HCN2: variants seen among roughly 807,000 people sequenced by gnomAD.
HCN2 encodes hyperpolarization activated cyclic nucleotide gated potassium and sodium channel 2.
In HCN2, 20 loss-of-function variants were observed where a neutral mutation model predicts 52.3. The ratio of observed to expected loss-of-function variants is 0.38; its 90% CI spans 0.27 to 0.56. The LOEUF (loss-of-function observed/expected upper bound fraction) is 0.56, where lower values mean the gene tolerates loss of function less well. HCN2 is among the 20% of genes least tolerant of loss of function. HCN2 has a pLI of 0.71. For synonymous variants in HCN2, 694 were observed against 537.0 expected (o/e 1.29, Z -4.04); for missense variants, 981 against 1,207.7 (o/e 0.81, Z 2.78).
intron 1 of HCN2, among the ~76,000 whole-genome samples, chr19:598,464 G>A (rs1339894440): frequency 1.3e-5 from 2 of 150,608 alleles, no homozygotes; most frequent in Non-Finnish European, 3.0e-5. Context: ...GCACCACCAC[G>A]CTGGCTAATT....
At chr19:614,305 A>C (rs1983805494) in intron 7 of HCN2, among the ~76,000 whole-genome samples, 1 of 152,022 alleles carries the variant, frequency 6.6e-6, no homozygotes. Flanking sequence ...TTCCCAAGGG[A>C]GGGAATGCAC....
intron 1 of HCN2, among the ~76,000 whole-genome samples, chr19:601,528 G>GGTCATT (rs1983201100): frequency 6.6e-6 from 1 of 152,028 alleles, no homozygotes; most frequent in Non-Finnish European, 1.5e-5. Flanking sequence ...ACAGCGGAGT[G>GGTCATT]GTCGTCGTCC....
At position 591,699 on chromosome 19, in the gene HCN2, G is replaced by A. The variant is rs1982878570; in HGVS notation, c.632+1122G>A. ...GCACCACGGACAGCGCGCCGGACCT[G>A]GGAAGCCTGCGGTTTTCCCGCCTGT... On this transcript the variant is annotated intron_variant, in intron 1 of 7. Transcript: ENST00000251287. The surrounding 1 kb of genome is among the most constrained non-coding windows in gnomAD (Gnocchi z 4.1). Among the ~76,000 whole-genome samples, 1 of 152,132 alleles carries A rather than the reference G, an allele frequency of 6.6e-6. No homozygotes were observed. The highest frequency in any genetic ancestry group is 6.5e-5 in the Admixed American group (1 of 15,282).
chr19:612,662 A>G (rs1983691571), intron 5 of HCN2, among the ~76,000 whole-genome samples: 1 of 150,546 alleles, frequency 6.6e-6, no homozygotes, highest in African/African-American at 2.5e-5. Flanking sequence ...CGATCCACCC[A>G]CCTTGGCCTC....
rs370889644 is a variant in HCN2, at chr19:598,329, CAG to C, written c.633-5212_633-5211del. On this transcript the variant is annotated intron_variant, in intron 1 of 7. Coordinates refer to ENST00000251287, the MANE Select transcript of HCN2 (RefSeq NM_001194.4). Reference sequence around the variant, plus strand: ...AAGTCAGCCTTTTTTTTTTTTGAGACAGAGTCTCACTCTGTCACCCAGGCTGG... The same window carrying C: ...AAGTCAGCCTTTTTTTTTTTTGAGACAGTCTCACTCTGTCACCCAGGCTGG... Among the ~76,000 whole-genome samples, 142 of 151,252 alleles carry C rather than the reference CAG, an allele frequency of 9.4e-4. No individual in the cohort carries two copies. The Middle Eastern group carries it at 0.01, about 11-fold the overall frequency.
Position 617,154 on chromosome 19 carries a change from C to G in HCN2, c.*680C>G. The G allele has an allele frequency of 2.4e-6, 2 of 849,460 alleles. No individual in the cohort carries two copies. Among genetic ancestry groups the G allele is most frequent in the Non-Finnish European group, 1.8e-6 (1 of 566,274 alleles). The allele number at this position is 849,460 out of a possible 1,614,324, so 52.6% of individuals were successfully genotyped here. Reference sequence around the variant, plus strand: ...TCCGCGCAATAAACGACAGCATTGGCGCCAAGCCTGGCCGCGTGTGATTGC... The same window carrying G: ...TCCGCGCAATAAACGACAGCATTGGGGCCAAGCCTGGCCGCGTGTGATTGC... On this transcript the variant is annotated 3_prime_UTR_variant, in exon 8 of 8. Coordinates refer to ENST00000251287, the MANE Select transcript of HCN2 (RefSeq NM_001194.4).
intron 7 of HCN2, 30 bp from the exon 8 acceptor site, chr19:615,765 G>A: frequency 6.2e-7 from 1 of 1,606,746 alleles, no homozygotes; most frequent in Non-Finnish European, 8.5e-7. Context: ...GGCGCTCCCT[G>A]TGCACACGCT....
chr19:598,452 G>A (rs1391438327), intron 1 of HCN2, among the ~76,000 whole-genome samples: 3 of 151,994 alleles, frequency 2.0e-5, no homozygotes, highest in African/African-American at 7.2e-5. Flanking sequence ...GTCCACAGGT[G>A]CGCACCACCA....
intron 1 of HCN2, among the ~76,000 whole-genome samples, chr19:596,265 G>A (rs557637623): frequency 2.0e-5 from 3 of 152,358 alleles, no homozygotes; most frequent in East Asian, 1.9e-4. Flanking sequence ...CTCAGTTTCC[G>A]TGTCAGAGCC....
rs746222770 is a variant in HCN2, at chr19:613,883, G to A, written c.1857G>A (p.Thr619=). 8.8e-6 allele frequency: 14 copies of A among 1,592,200 alleles called. No homozygotes were observed. The highest frequency in any genetic ancestry group is 1.1e-5 in the Non-Finnish European group (13 of 1,169,730). ...GCCTGCTCACCCGGGGCCGCCGCAC[G>A]GCGAGCGTGCGGGCTGACACCTACT... ...EICLLTRGRR[T]ASVRADTYCR... Residue 619 remains threonine, a synonymous_variant, in exon 7 of 8, where the codon ACG becomes ACA. Transcript: ENST00000251287.
intron 7 of HCN2, among the ~76,000 whole-genome samples, chr19:614,265 A>C (rs1440667789): frequency 1.3e-5 from 2 of 152,154 alleles, no homozygotes; most frequent in African/African-American, 2.4e-5. Context: ...TTTCTGACCT[A>C]TTGTCCTACT....
Position 590,069 on chromosome 19 carries a change from G to C in HCN2, c.124G>C (p.Ala42Pro). The C allele has an allele frequency of 1.5e-5, 9 of 614,126 alleles. No individual in the cohort carries two copies. The highest frequency in any genetic ancestry group is 1.6e-5 in the Non-Finnish European group (8 of 501,868). 38.0% of individuals were successfully genotyped at this position (614,126 alleles called of 1,614,324 possible). The change falls in exon 1 of 8, where the codon GCG (alanine) becomes CCG (proline). Residue 42 changes from alanine to proline, a missense_variant. By Grantham distance (27) the Ala-to-Pro change is conservative (BLOSUM62 -1). This residue lies in a region of HCN2 where 215 missense variants were observed against 179.4 expected (regional missense o/e 1.20). Transcript: ENST00000251287. The surrounding 1 kb of genome is among the most constrained non-coding windows in gnomAD (Gnocchi z 7.2). The part of the protein sequence containing the change: ...QQQPPPPPPP[A>P]PPPGPGPAPP... ...GCAGCCGCCGCCGCCGCCGCCGCCC[G>C]CGCCCCCCCCGGGCCCCGGGCCCGC...
Position 616,327 on chromosome 19 carries a change from C to G in HCN2, c.2523C>G (p.Ala841=). 8.5e-7 allele frequency: 1 copy of G among 1,180,240 alleles called. No individual in the cohort carries two copies. The highest frequency in any genetic ancestry group is 1.1e-6 in the Non-Finnish European group (1 of 944,468). 73.1% of individuals were successfully genotyped at this position (1,180,240 alleles called of 1,614,324 possible). The change falls in exon 8 of 8, where the codon GCC becomes GCG. Residue 841 remains alanine (A), a synonymous_variant. Coordinates refer to ENST00000251287, the MANE Select transcript of HCN2 (RefSeq NM_001194.4). ...APGPAASTRP[A]SSSTPRLGPT... is the part of the protein sequence containing the mutation. ...GCCCCGCGGCCTCCACACGCCCGGC[C>G]AGCAGCTCCACACCGCGCTTGGGGC...
chr19:598,898 G>C (rs552881577), intron 1 of HCN2, among the ~76,000 whole-genome samples: 2 of 152,220 alleles, frequency 1.3e-5, no homozygotes, highest in Non-Finnish European at 2.9e-5. Flanking sequence ...GTGAGCCACC[G>C]TGCCCAGCCT....
At chr19:612,427 T>TGTGA in intron 5 of HCN2, among the ~76,000 whole-genome samples, 156 of 142,348 alleles carry the variant, frequency 1.1e-3, no homozygotes, top group Middle Eastern at 3.6e-3. Flanking sequence ...TGTGTGTGTG[T>TGTGA]GAGAGAGAGA....
At chr19:614,703 CAGG>C (rs1983821105) in intron 7 of HCN2, among the ~76,000 whole-genome samples, 2 of 151,924 alleles carry the variant, frequency 1.3e-5, no homozygotes, top group African/African-American at 4.8e-5. Flanking sequence ...TAGACTAAAT[CAGG>C]AGCATCAGGG....
rs1600543623 is a variant in HCN2 at position 616,180 on chromosome 19, C to T, written c.2376C>T (p.Thr792=). ...GAPASPRAPR[T]SPYGGLPAAP... ...CCGCCAGCCCCCGGGCACCGCGGAC[C>T]TCGCCCTACGGCGGCCTGCCCGCCG... The change falls in exon 8 of 8, where the codon ACC becomes ACT. Residue 792 remains threonine, a synonymous_variant. Coordinates refer to ENST00000251287, the MANE Select transcript of HCN2 (RefSeq NM_001194.4). 2.0e-6 allele frequency: 2 copies of T among 979,080 alleles called. No homozygotes were observed. The highest frequency in any genetic ancestry group is 1.1e-4 in the East Asian group (1 of 8,746). 60.6% of individuals were successfully genotyped at this position (979,080 alleles called of 1,614,324 possible).
At chr19:606,102 T>A (rs1983418547) in intron 3 of HCN2, among the ~76,000 whole-genome samples, 1 of 152,160 alleles carries the variant, frequency 6.6e-6, no homozygotes, top group African/African-American at 2.4e-5. Flanking sequence ...ATTATTTTAT[T>A]TACTTATTTT....
chr19:599,681 G>A (rs1289695082), intron 1 of HCN2, among the ~76,000 whole-genome samples: 2 of 151,914 alleles, frequency 1.3e-5, no homozygotes, highest in African/African-American at 2.4e-5. Flanking sequence ...CCAGCTACTC[G>A]GGAGGGTGAG....
Sources: allele counts gnomAD v4.1 joint callset (sites outside exome capture counted in the v4.1 genomes callset), GRCh38; gene constraint gnomAD v4.1.1; regional missense constraint gnomAD v4.1.1; non-coding constraint Gnocchi (gnomAD v3.1); transcripts MANE v1.5; gene names NCBI Gene and HGNC (gene_info 2026-07-23, HGNC 2026-07-21).